ODAM: variants seen among roughly 807,000 people sequenced by gnomAD.
The protein encoded by ODAM is odontogenic ameloblast-associated protein.
A neutral mutation model predicts 48.5 loss-of-function variants in ODAM; 55 were observed. That is an observed-to-expected ratio of 1.13 (90% CI 0.91 to 1.42). ODAM has a LOEUF of 1.42. Ranked by LOEUF, ODAM falls within the 40% of genes most tolerant of loss-of-function variation. The pLI, the probability that ODAM is intolerant of heterozygous loss-of-function variation, is 0.00. For missense variants in ODAM, 353 were observed against 323.6 expected, an observed-to-expected ratio of 1.09 and a Z score of -0.70; for synonymous variants, 127 against 107.8, an observed-to-expected ratio of 1.18 and a Z score of -1.10.
In ODAM at chr4:70,202,751, T is replaced by C. The variant is rs1345033944; in HGVS notation, c.649-5T>C. On this transcript the variant is annotated splice_polypyrimidine_tract_variant and splice_region_variant and intron_variant, in intron 9 of 11. Transcript: ENST00000683306. ...CAACTTTGTTTTCATTCTCATTCTC[T>C]GTAGTCAACAGGAGAAGAGATACCA... The C allele has an allele frequency of 1.2e-6, 2 of 1,601,108 alleles. No individual in the cohort carries two copies. The highest frequency in any genetic ancestry group is 2.2e-5 in the East Asian group (1 of 44,600).
At chr4:70,198,683 CTTT>C in intron 6 of ODAM, 57 bp downstream of exon 6, 1 of 1,339,114 alleles carries the variant, frequency 7.5e-7, no homozygotes, top group Non-Finnish European at 1.1e-6. Flanking sequence ...CTCCACAATG[CTTT>C]CTATTTCTAG....
intron 6 of ODAM, among the ~76,000 whole-genome samples, chr4:70,199,453 T>C (rs1043801475): frequency 6.6e-6 from 1 of 152,050 alleles, no homozygotes; most frequent in African/African-American, 2.4e-5. Context: ...ATTAGATGTA[T>C]AACTAGAATT....
intron 7 of ODAM, among the ~76,000 whole-genome samples, chr4:70,200,919 A>G (rs976339889): frequency 2.0e-5 from 3 of 151,958 alleles, no homozygotes; most frequent in Non-Finnish European, 4.4e-5. Context: ...CCACCTTTCC[A>G]CATATGTGTG....
At position 70,198,034 on chromosome 4, in the gene ODAM, T is replaced by C. The variant is rs1201478618; in HGVS notation, c.252T>C (p.Ala84=). Residue 84 remains alanine, a synonymous_variant, in exon 5 of 12, where the codon GCT becomes GCC. Coordinates refer to ENST00000683306, the MANE Select transcript of ODAM (RefSeq NM_017855.4). ...QFSLSALDQF[A]GLLPNQIPLT... is the part of the protein sequence containing the mutation. ...CTTTATCAGCTCTAGACCAGTTTGC[T>C]GGACTGCTCCCAAATCAGATACCCT... The C allele has an allele frequency of 3.7e-6, 6 of 1,613,372 alleles. No homozygotes were observed. The highest frequency in any genetic ancestry group is 5.1e-6 in the Non-Finnish European group (6 of 1,179,558).
chr4:70,202,626 C>A, intron 9 of ODAM, 130 bp from the exon 10 acceptor site: 1 of 662,452 alleles, frequency 1.5e-6, no homozygotes, highest in Non-Finnish European at 2.5e-6. Context: ...TCTAAAAATA[C>A]TAATAATAGC....
intron 6 of ODAM, chr4:70,199,965 G>A: frequency 3.2e-6 from 1 of 312,296 alleles, no homozygotes; most frequent in Admixed American, 4.7e-5. Context: ...AATGTAGGTG[G>A]GGAAGTTTCA....
intron 9 of ODAM, 23 bp from the exon 10 acceptor site, chr4:70,202,733 G>A (rs1578239233): frequency 1.3e-6 from 2 of 1,582,592 alleles, no homozygotes; most frequent in Non-Finnish European, 1.7e-6. Context: ...CGACAACTTT[G>A]TTTTCATTCT....
chr4:70,197,970 A>T lies in ODAM; in HGVS notation c.188A>T (p.Gln63Leu). 2 of 1,613,066 alleles carry T rather than the reference A, an allele frequency of 1.2e-6. No homozygotes were observed. The highest frequency in any genetic ancestry group is 1.7e-6 in the Non-Finnish European group (2 of 1,179,364). The change falls in exon 5 of 12, where the codon CAG becomes CTG. Residue 63 changes from glutamine (Q) to leucine (L), a missense_variant. By Grantham distance (113) the Gln-to-Leu change is moderately radical. Transcript: ENST00000683306. ...WIPPFSGILQ[Q>L]QQQAQIPGLS... ...CCACCTTTCTCTGGAATTTTACAAC[A>T]GCAGCAGCAGGCTCAAATTCCAGGA...
chr4:70,203,546 C>T (rs1393375584), intron 11 of ODAM, among the ~76,000 whole-genome samples: 2 of 151,710 alleles, frequency 1.3e-5, no homozygotes, highest in Non-Finnish European at 2.9e-5. Flanking sequence ...TGCAAGTAAA[C>T]ATTGTAATAA....
intron 6 of ODAM, chr4:70,199,966 G>A (rs1215424654): frequency 2.2e-5 from 7 of 311,806 alleles, no homozygotes; most frequent in Non-Finnish European, 4.3e-5. Context: ...ATGTAGGTGG[G>A]GAAGTTTCAG....
At chr4:70,202,666 A>G in intron 9 of ODAM, 90 bp from the exon 10 acceptor site, 1 of 905,444 alleles carries the variant, frequency 1.1e-6, no homozygotes, top group Non-Finnish European at 1.7e-6. Context: ...TGCTTTTGTT[A>G]CATCTCAATC....
rs1729571398 is a variant in ODAM at position 70,204,358 on chromosome 4, C to T, written c.*213C>T. ...AATACAATCATGTAATGAGTCTTGT[C>T]TTACAAAATTATATGTCTCTTCAAA... On this transcript the variant is annotated 3_prime_UTR_variant, in exon 12 of 12. Coordinates refer to ENST00000683306, the MANE Select transcript of ODAM (RefSeq NM_017855.4). 1 of 151,916 alleles carries T rather than the reference C, an allele frequency of 6.6e-6. No homozygotes were observed. The highest frequency in any genetic ancestry group is 1.5e-5 in the Non-Finnish European group (1 of 67,962). The allele number at this position is 151,916 out of a possible 1,614,324, so 9.4% of individuals were successfully genotyped here. A position where few individuals can be genotyped will look rare whatever the true frequency, so the allele number is the denominator to read the frequency against.
At chr4:70,198,899 G>T (rs188547117) in intron 6 of ODAM, among the ~76,000 whole-genome samples, 1 of 152,080 alleles carries the variant, frequency 6.6e-6, no homozygotes, top group Non-Finnish European at 1.5e-5. Flanking sequence ...TAAGCCCCAG[G>T]TCATGTCCTC....
chr4:70,202,510 T>G (rs1729522702), intron 9 of ODAM, among the ~76,000 whole-genome samples, 181 bp downstream of exon 9: 1 of 151,962 alleles, frequency 6.6e-6, no homozygotes, highest in African/African-American at 2.4e-5. Flanking sequence ...ATCAGTATTT[T>G]TAAGTATGCT....
At position 70,201,442 on chromosome 4, in the gene ODAM, A is replaced by C; in HGVS notation, c.529-12A>C. On this transcript the variant is annotated splice_polypyrimidine_tract_variant and intron_variant, in intron 7 of 11. Transcript: ENST00000683306. ...ACAGAAAATATAATACATTTTTTAA[A>C]AAATCTGACAGATACCATTCTATGC... 2 of 1,423,396 alleles carry C rather than the reference A, an allele frequency of 1.4e-6. No individual in the cohort carries two copies. The highest frequency in any genetic ancestry group is 2.4e-5 in the South Asian group (2 of 81,956). 88.2% of individuals were successfully genotyped at this position (1,423,396 alleles called of 1,614,324 possible). A position where few individuals can be genotyped will look rare whatever the true frequency, so the allele number is the denominator to read the frequency against.
chr4:70,198,572 T>G lies in ODAM; in HGVS notation c.376-7T>G. On this transcript the variant is annotated splice_region_variant and splice_polypyrimidine_tract_variant and intron_variant, in intron 5 of 11. Coordinates refer to ENST00000683306, the MANE Select transcript of ODAM (RefSeq NM_017855.4). ...ATACATTTTTATATAATTCTTTTTTTTGGCAGGTGATGCCCTATGTATTCT... is the reference window on the plus strand; with the variant it reads ...ATACATTTTTATATAATTCTTTTTTGTGGCAGGTGATGCCCTATGTATTCT... 1 of 1,584,328 alleles carries G rather than the reference T, an allele frequency of 6.3e-7. No individual in the cohort carries two copies. Among genetic ancestry groups the G allele is most frequent in the Admixed American group, 2.0e-5 (1 of 50,992 alleles).
At position 70,202,312 on chromosome 4, in the gene ODAM, C is replaced by A; in HGVS notation, c.631C>A (p.Pro211Thr). The change falls in exon 9 of 12, where the codon CCT becomes ACT. Residue 211 changes from proline (P) to threonine (T), a missense_variant. Coordinates refer to ENST00000683306, the MANE Select transcript of ODAM (RefSeq NM_017855.4). ...LAFDPQLGTA[P>T]EIAVMSTGEE... ...TTTTGATCCCCAACTAGGCACAGCT[C>A]CTGAAATTGCTGTGATGGTAAGATT... is the stretch of plus-strand genomic sequence containing the variant. 6.2e-7 allele frequency: 1 copy of A among 1,611,370 alleles called. No homozygotes were observed. The highest frequency in any genetic ancestry group is 1.3e-5 in the African/African-American group (1 of 74,866).
intron 4 of ODAM, 73 bp downstream of exon 4, chr4:70,197,394 C>T: frequency 1.1e-6 from 1 of 879,302 alleles, no homozygotes; most frequent in Non-Finnish European, 1.9e-6. Flanking sequence ...TGTAAGAAAA[C>T]AAAATGTTTC....
At chr4:70,197,009 TA>T (rs1278677989) in intron 3 of ODAM, among the ~76,000 whole-genome samples, 3 of 152,074 alleles carry the variant, frequency 2.0e-5, no homozygotes, top group African/African-American at 4.8e-5. Context: ...TATAGGTGTT[TA>T]AAAACATAAA....
Sources: gnomAD v4.1 joint callset for allele counts (sites outside exome capture counted in the v4.1 genomes callset) on GRCh38, gnomAD v4.1.1 for gene constraint, MANE v1.5 for transcripts, NCBI Gene and HGNC (gene_info 2026-07-23, HGNC 2026-07-21) for gene names.